The following TENM1 variants were observed in gnomAD, a reference collection of about 807,000 sequenced individuals.
TENM1 encodes the protein teneurin transmembrane protein 1, also known as teneurin-1.
A neutral mutation model predicts 174.8 loss-of-function variants in TENM1; 35 were observed. The observed-to-expected ratio is 0.20, with a 90% CI of 0.15 to 0.27. The LOEUF is 0.27. TENM1 is among the 10% of genes least tolerant of loss of function. The pLI is 1.00. For missense variants in TENM1, 1,633 were observed against 2,130.1 expected (o/e 0.77, Z 4.59); for synonymous variants, 781 against 798.7 (o/e 0.98, Z 0.37).
chrX:124,949,453 A>T (rs1049323851), intron 1 of TENM1, among the ~76,000 whole-genome samples: 5 of 112,060 alleles, frequency 4.5e-5, no homozygotes, highest in African/African-American at 1.6e-4. Flanking sequence ...AGGTGGAGAA[A>T]CAAACAAGCC....
chrX:124,668,678 A>G (rs1324360761), intron 6 of TENM1, among the ~76,000 whole-genome samples: 1 of 108,258 alleles, frequency 9.2e-6, no homozygotes, highest in African/African-American at 3.4e-5. Context: ...GAAGGGGAAC[A>G]TCACACTCTG....
chrX:124,847,400 C>T (rs1300299791), intron 3 of TENM1, among the ~76,000 whole-genome samples: 1 of 111,995 alleles, frequency 8.9e-6, no homozygotes, highest in East Asian at 2.8e-4. Context: ...CAAAACACTA[C>T]TGATGTTCTA....
chrX:125,148,898 A>T, the TENM1 span, among the ~76,000 whole-genome samples: 1 of 111,596 alleles, frequency 9.0e-6, no homozygotes, highest in Non-Finnish European at 1.9e-5. Flanking sequence ...GTAAACTCCT[A>T]ACTGGTTCCT....
chrX:124,773,149 T>C (rs971363987), intron 3 of TENM1, among the ~76,000 whole-genome samples: 2 of 111,978 alleles, frequency 1.8e-5, no homozygotes, highest in African/African-American at 6.5e-5. Context: ...AATGGCAAGC[T>C]TGGTTAAAAC....
intron 11 of TENM1, among the ~76,000 whole-genome samples, chrX:124,634,419 T>A (rs550841997): frequency 9.8e-5 from 11 of 111,691 alleles, no homozygotes; most frequent in African/African-American, 3.2e-4. Context: ...AGGTTCCTAA[T>A]ATGGTGACAT....
the TENM1 span, among the ~76,000 whole-genome samples, chrX:125,098,042 T>A: frequency 4.5e-5 from 5 of 112,107 alleles, no homozygotes; most frequent in African/African-American, 1.6e-4. Context: ...GGCAGGCAGA[T>A]CACGAGGTCA....
Position 124,880,566 on chromosome X carries a change from C to T in TENM1, c.535+13730G>A, listed in dbSNP as rs144331692. 1.1e-3 allele frequency among the ~76,000 whole-genome samples: 125 copies of T among 111,868 alleles called. 1 individual carries two copies. The highest frequency in any genetic ancestry group is 3.9e-3 in the African/African-American group (121 of 30,866). On this transcript the variant is annotated intron_variant, in intron 3 of 31. Coordinates refer to ENST00000422452, the Ensembl canonical transcript of TENM1. Reference sequence around the variant, plus strand: ...CTAGGACTTCCAGTACTATGATAAACAGGAGTGGTGAAACTGGGTATCTTT... The same window carrying T: ...CTAGGACTTCCAGTACTATGATAAATAGGAGTGGTGAAACTGGGTATCTTT...
chrX:125,051,682 C>T, the TENM1 span, among the ~76,000 whole-genome samples: 1 of 103,066 alleles, frequency 9.7e-6, no homozygotes, highest in Non-Finnish European at 2.0e-5. Flanking sequence ...ACACCTTATA[C>T]AAAAATTAAT....
the TENM1 span, among the ~76,000 whole-genome samples, chrX:125,084,515 T>A: frequency 9.0e-6 from 1 of 111,265 alleles, no homozygotes; most frequent in Non-Finnish European, 1.9e-5. Flanking sequence ...TCTTCCATAG[T>A]CCCTAGTACA....
chrX:124,874,633 G>T (rs950160800), intron 3 of TENM1, among the ~76,000 whole-genome samples: 28 of 110,566 alleles, frequency 2.5e-4, no homozygotes, highest in Non-Finnish European at 4.4e-4. Flanking sequence ...CTACTTTAAG[G>T]TTGGAAGAAA....
exon 17 of TENM1, chrX:124,523,509 T>C: frequency 8.3e-7 from 1 of 1,211,396 alleles, no homozygotes; most frequent in Non-Finnish European, 1.1e-6. Flanking sequence ...CATGGTGACT[T>C]TCTCTACCAC....
At position 124,636,818 on chromosome X, in the gene TENM1, T is replaced by C. The variant is rs764685526; in HGVS notation, c.2077+4973A>G. 3.6e-5 allele frequency among the ~76,000 whole-genome samples: 4 copies of C among 112,190 alleles called. No individual in the cohort carries two copies. In the South Asian group the frequency reaches 1.5e-3, roughly 42 times the overall value. ...AACTCATATATTTCTTGTTCATTTT[T>C]TACCATCTGTCTCTCCCTGACAGAC... On this transcript the variant is annotated intron_variant, in intron 11 of 31. Coordinates refer to ENST00000422452, the Ensembl canonical transcript of TENM1.
At chrX:124,616,036 AAGAAAT>A (rs1390803730) in intron 11 of TENM1, among the ~76,000 whole-genome samples, 2 of 113,041 alleles carry the variant, frequency 1.8e-5, no homozygotes, top group Non-Finnish European at 3.7e-5. Flanking sequence ...ATGATAAGGA[AAGAAAT>A]TAAACTGTCT....
chrX:125,068,888 A>G, the TENM1 span, among the ~76,000 whole-genome samples: 1 of 112,416 alleles, frequency 8.9e-6, no homozygotes, highest in African/African-American at 3.2e-5. Context: ...CAGGTCCAGG[A>G]TAGCTGGACT....
At chrX:124,400,339 C>G (rs1332889399) in intron 27 of TENM1, among the ~76,000 whole-genome samples, 1 of 111,442 alleles carries the variant, frequency 9.0e-6, no homozygotes, top group Non-Finnish European at 1.9e-5. Context: ...TGGCTGCCCC[C>G]ACCAATTCCC....
chrX:124,581,226 G>A (rs1319444305), intron 11 of TENM1, among the ~76,000 whole-genome samples: 2 of 108,794 alleles, frequency 1.8e-5, no homozygotes, highest in African/African-American at 3.4e-5. Context: ...CACCACGTCC[G>A]GCTAATTTTT....
chrX:124,512,249 A>C (rs2047600735), intron 18 of TENM1, among the ~76,000 whole-genome samples: 1 of 111,258 alleles, frequency 9.0e-6, no homozygotes, highest in African/African-American at 3.3e-5. Context: ...CATCTCTAGA[A>C]TTTTAACAGC....
At chrX:125,081,917 T>C in the TENM1 span, among the ~76,000 whole-genome samples, 3 of 110,851 alleles carry the variant, frequency 2.7e-5, no homozygotes, top group African/African-American at 9.8e-5. Context: ...ATGTTCTCGC[T>C]CATAAGTGGG....
chrX:124,931,140 GA>G (rs954240773), intron 1 of TENM1, among the ~76,000 whole-genome samples: 1 of 110,575 alleles, frequency 9.0e-6, no homozygotes, highest in African/African-American at 3.3e-5. Context: ...CCAAATCAAA[GA>G]GGGCTGCAGA....
Sources: allele counts gnomAD v4.1 joint callset (sites outside exome capture counted in the v4.1 genomes callset), GRCh38; gene constraint gnomAD v4.1.1; transcripts MANE v1.5; gene names NCBI Gene and HGNC (gene_info 2026-07-23, HGNC 2026-07-21).